The following KAZN variants were observed in gnomAD, a reference collection of about 807,000 sequenced individuals.
KAZN encodes kazrin.
In KAZN, 40 loss-of-function variants were observed where a neutral mutation model predicts 87.4. That is an observed-to-expected ratio of 0.46 (90% CI 0.36 to 0.60). The LOEUF is 0.60. Ranked by LOEUF, KAZN falls within the 20% of genes least tolerant of loss-of-function variation. KAZN has a pLI of 0.00. For synonymous variants in KAZN, 466 were observed against 458.3 expected (o/e 1.02, Z -0.22); for missense variants, 898 against 1,073.9 (o/e 0.84, Z 2.29).
intron 4 of KAZN, among the ~76,000 whole-genome samples, chr1:15,050,363 A>T (rs1674257476): frequency 6.6e-6 from 1 of 152,136 alleles, no homozygotes; most frequent in African/African-American, 2.4e-5. Context: ...CTGGGGAGGA[A>T]GAGGCGTGGA....
intron 2 of KAZN, among the ~76,000 whole-genome samples, chr1:15,002,405 T>C (rs911940354): frequency 6.6e-6 from 1 of 152,086 alleles, no homozygotes; most frequent in Admixed American, 6.6e-5. Flanking sequence ...GCCCCAGAGG[T>C]GAGGGCACAT....
chr1:15,010,035 G>T (rs887373285), intron 2 of KAZN, among the ~76,000 whole-genome samples: 4 of 152,158 alleles, frequency 2.6e-5, no homozygotes, highest in African/African-American at 9.7e-5. Context: ...TCTGTACCTT[G>T]TTGGAATCAG....
chr1:14,037,340 C>T (rs1641603635), intron 1 of KAZN, among the ~76,000 whole-genome samples: 2 of 152,220 alleles, frequency 1.3e-5, no homozygotes, highest in Admixed American at 6.5e-5. Flanking sequence ...AAAGTGTTTG[C>T]CTCTTACCTC....
Position 15,048,697 on chromosome 1 carries a change from T to C in KAZN, c.726+4538T>C, listed in dbSNP as rs532396272. Among the ~76,000 whole-genome samples, 996 of 140,562 alleles carry C rather than the reference T, an allele frequency of 7.1e-3. 32 individuals are homozygous for C. Among genetic ancestry groups the C allele is most frequent in the African/African-American group, 0.025 (854 of 33,586 alleles). 92.2% of individuals were successfully genotyped at this position (140,562 alleles called of 152,430 possible). ...TCCTGGGTCGTTGGTCCTGGGTCGT[T>C]GATCCTTGGTCGTTGGTCCTGGGTC... On this transcript the variant is annotated intron_variant, in intron 4 of 14. Transcript: ENST00000376030.
rs141310213 is a variant in KAZN, at chr1:14,003,535, C to T, written c.91+109779C>T. On this transcript the variant is annotated intron_variant, in intron 1 of 16. Coordinates refer to the KAZN transcript ENST00000636203. ...AGTATAATACTGACACACGGATGGA[C>T]AAAGACAGACCATAAAAAGAGAAAG... Among the ~76,000 whole-genome samples the T allele has an allele frequency of 4.4e-3, 671 of 151,810 alleles. 6 individuals carry two copies. Among genetic ancestry groups the T allele is most frequent in the African/African-American group, 0.016 (651 of 41,384 alleles).
intron 2 of KAZN, among the ~76,000 whole-genome samples, chr1:14,416,036 A>T (rs977790815): frequency 3.8e-4 from 58 of 152,260 alleles, no homozygotes; most frequent in Middle Eastern, 6.8e-3. Context: ...GGAGGCAAAA[A>T]TGGGCTGCTG....
intron 1 of KAZN, among the ~76,000 whole-genome samples, chr1:14,602,182 G>T (rs1677031359): frequency 6.6e-6 from 1 of 152,126 alleles, no homozygotes; most frequent in Admixed American, 6.5e-5. Flanking sequence ...TATTAACTTG[G>T]TTGGTACTCC....
In KAZN at chr1:14,299,868, A is replaced by G. The variant is rs918616042; in HGVS notation, c.249+119276A>G. Among the ~76,000 whole-genome samples the G allele has an allele frequency of 2.0e-5, 3 of 152,350 alleles. No individual in the cohort carries two copies. The East Asian group carries it at 5.8e-4, about 29-fold the overall frequency. On this transcript the variant is annotated intron_variant, in intron 2 of 16. Coordinates refer to the KAZN transcript ENST00000636203. ...AAAGTCAGCAGAACAGGGAGTGTAC[A>G]GGGAAAGGAGAGAAAATACTCACCC...
chr1:15,049,830 G>C (rs980263972), intron 4 of KAZN, among the ~76,000 whole-genome samples: 23 of 152,122 alleles, frequency 1.5e-4, no homozygotes, highest in African/African-American at 5.1e-4. Context: ...TTCAAGACTA[G>C]GTTGGCCAAC....
intron 1 of KAZN, among the ~76,000 whole-genome samples, chr1:14,841,531 C>G (rs1648016146): frequency 6.7e-6 from 1 of 149,044 alleles, no homozygotes; most frequent in Non-Finnish European, 1.5e-5. Context: ...GGGGCAGGGA[C>G]TTTTTTAAAT....
At chr1:14,009,173 T>C (rs1570514622) in intron 1 of KAZN, among the ~76,000 whole-genome samples, 1 of 152,246 alleles carries the variant, frequency 6.6e-6, no homozygotes, top group South Asian at 2.1e-4. Context: ...TAATATTCCA[T>C]TGTGTGTATA....
At chr1:14,149,032 A>AGCCT (rs1168671093) in intron 1 of KAZN, among the ~76,000 whole-genome samples, 3 of 149,122 alleles carry the variant, frequency 2.0e-5, no homozygotes, top group Non-Finnish European at 3.0e-5. Flanking sequence ...TTCCACATAC[A>AGCCT]GCCTGCCTGC....
chr1:14,480,858 C>A (rs926590364), intron 2 of KAZN, among the ~76,000 whole-genome samples: 5 of 146,742 alleles, frequency 3.4e-5, no homozygotes, highest in Non-Finnish European at 7.5e-5. Context: ...CTCACCCACT[C>A]CCCTTAGCTG....
intron 1 of KAZN, among the ~76,000 whole-genome samples, chr1:14,909,236 C>T (rs184148036): frequency 6.6e-6 from 1 of 152,158 alleles, no homozygotes; most frequent in Non-Finnish European, 1.5e-5. Flanking sequence ...AGTTATTATT[C>T]TTACTGATCC....
At chr1:14,643,628 A>T (rs1372012119) in intron 1 of KAZN, among the ~76,000 whole-genome samples, 7 of 152,188 alleles carry the variant, frequency 4.6e-5, no homozygotes, top group Non-Finnish European at 8.8e-5. Context: ...TGCAGTGAAC[A>T]TTTGCGTGCA....
At chr1:14,588,926 C>A (rs1391658151) in intron 2 of KAZN, among the ~76,000 whole-genome samples, 1 of 152,156 alleles carries the variant, frequency 6.6e-6, no homozygotes, top group Non-Finnish European at 1.5e-5. Flanking sequence ...CACTTGCGGT[C>A]CCAGTGTTTT....
chr1:14,763,729 G>A (rs1040763178), intron 1 of KAZN, among the ~76,000 whole-genome samples: 1 of 152,082 alleles, frequency 6.6e-6, no homozygotes, highest in Non-Finnish European at 1.5e-5. Context: ...ATGGGATGTA[G>A]GTATTGATAC....
chr1:14,995,963 G>C (rs189708270), intron 2 of KAZN, among the ~76,000 whole-genome samples: 1 of 152,064 alleles, frequency 6.6e-6, no homozygotes, highest in Non-Finnish European at 1.5e-5. Flanking sequence ...TGGAAAATAA[G>C]CCGGTCCGGC....
At chr1:13,904,641 G>T (rs1213343499) in intron 1 of KAZN, among the ~76,000 whole-genome samples, 1 of 152,120 alleles carries the variant, frequency 6.6e-6, no homozygotes, top group African/African-American at 2.4e-5. Context: ...TTGATTTTGG[G>T]GTCATTTCTC....
Sources: allele counts gnomAD v4.1 joint callset (sites outside exome capture counted in the v4.1 genomes callset), GRCh38; gene constraint gnomAD v4.1.1; transcripts MANE v1.5; gene names NCBI Gene and HGNC (gene_info 2026-07-23, HGNC 2026-07-21).